The following TNFSF4 variants were observed in gnomAD, a reference collection of about 807,000 sequenced individuals.
The protein encoded by TNFSF4 is TNF superfamily member 4.
A neutral mutation model predicts 7.3 loss-of-function variants in TNFSF4; 4 were observed. That is an observed-to-expected ratio of 0.55 (90% CI 0.27 to 1.25). TNFSF4 has a LOEUF of 1.25. Ranked by LOEUF, TNFSF4 falls within the 50% of genes most tolerant of loss-of-function variation. TNFSF4 has a pLI of 0.12. For missense variants in TNFSF4, 181 were observed against 208.8 expected, an observed-to-expected ratio of 0.87 and a Z score of 0.82; for synonymous variants, 76 against 83.7, an observed-to-expected ratio of 0.91 and a Z score of 0.50.
the TNFSF4 span, among the ~76,000 whole-genome samples, chr1:173,298,363 G>C: frequency 2.9e-4 from 44 of 151,960 alleles, no homozygotes; most frequent in African/African-American, 1.0e-3. Context: ...GATGCATAAT[G>C]GTTTAGTTAA....
At chr1:173,203,071 G>A (rs933680676) in intron 1 of TNFSF4, among the ~76,000 whole-genome samples, 1 of 152,116 alleles carries the variant, frequency 6.6e-6, no homozygotes, top group Non-Finnish European at 1.5e-5. Flanking sequence ...TCCAATGGAT[G>A]TTTATATCGC....
chr1:173,425,713 G>A, the TNFSF4 span, among the ~76,000 whole-genome samples: 4 of 152,170 alleles, frequency 2.6e-5, no homozygotes, highest in Admixed American at 6.5e-5. Flanking sequence ...TAGAGTAAAT[G>A]GTTAATGCAC....
chr1:173,332,524 C>G, the TNFSF4 span, among the ~76,000 whole-genome samples: 1 of 151,680 alleles, frequency 6.6e-6, no homozygotes, highest in African/African-American at 2.4e-5. Flanking sequence ...GAGCAAGACT[C>G]TGTCTCAAAA....
chr1:173,176,720 A>G, the TNFSF4 span, among the ~76,000 whole-genome samples: 3 of 152,344 alleles, frequency 2.0e-5, no homozygotes, highest in African/African-American at 7.2e-5. Context: ...CATGGAATCA[A>G]CCTAAATGCC....
chr1:173,440,628 T>C, the TNFSF4 span: 1 of 152,206 alleles, frequency 6.6e-6, no homozygotes, highest in African/African-American at 2.4e-5. Context: ...TTCTTATTCA[T>C]ATAAGAACCA....
At chr1:173,254,511 T>G in the TNFSF4 span, among the ~76,000 whole-genome samples, 1 of 152,240 alleles carries the variant, frequency 6.6e-6, no homozygotes, top group Non-Finnish European at 1.5e-5. Context: ...GTCTGCTCCC[T>G]TAAAGTTTCA....
chr1:173,181,434 G>C (rs2101975301), downstream of TNFSF4, among the ~76,000 whole-genome samples: 1 of 152,264 alleles, frequency 6.6e-6, no homozygotes, highest in South Asian at 2.1e-4. Context: ...AATGCTAAAA[G>C]TCTGTGTTTC....
At chr1:173,340,297 C>T in the TNFSF4 span, among the ~76,000 whole-genome samples, 1 of 147,302 alleles carries the variant, frequency 6.8e-6, no homozygotes, top group Non-Finnish European at 1.5e-5. Flanking sequence ...ATTGTATGAG[C>T]CAATTCCTTA....
the TNFSF4 span, among the ~76,000 whole-genome samples, chr1:173,215,777 T>A: frequency 2.6e-5 from 4 of 152,196 alleles, no homozygotes; most frequent in African/African-American, 4.8e-5. Flanking sequence ...GCTCTAGTTT[T>A]AAAATTGCCT....
At chr1:173,434,266 T>C in the TNFSF4 span, among the ~76,000 whole-genome samples, 14 of 152,260 alleles carry the variant, frequency 9.2e-5, no homozygotes, top group Non-Finnish European at 2.1e-4. Flanking sequence ...TTGTATCTAA[T>C]TAGGATATTA....
the TNFSF4 span, among the ~76,000 whole-genome samples, chr1:173,291,547 G>C: frequency 1.5e-4 from 23 of 152,196 alleles, no homozygotes; most frequent in African/African-American, 4.6e-4. Flanking sequence ...CAAGAAAGTA[G>C]GAAGATCTCA....
the TNFSF4 span, among the ~76,000 whole-genome samples, chr1:173,378,564 TTC>T: frequency 6.6e-6 from 1 of 152,152 alleles, no homozygotes. Flanking sequence ...GGCCCCAATA[TTC>T]TCTCTCTGAT....
chr1:173,378,534 T>G, the TNFSF4 span, among the ~76,000 whole-genome samples: 1 of 152,158 alleles, frequency 6.6e-6, no homozygotes. Flanking sequence ...GGTGGCTCAT[T>G]TTTTTCTGCA....
the TNFSF4 span, among the ~76,000 whole-genome samples, chr1:173,271,823 G>T: frequency 1.3e-5 from 2 of 152,064 alleles, no homozygotes; most frequent in East Asian, 3.9e-4. Flanking sequence ...AGAAATACCA[G>T]TTGACCCAGC....
At chr1:173,215,708 A>C in the TNFSF4 span, among the ~76,000 whole-genome samples, 1 of 152,216 alleles carries the variant, frequency 6.6e-6, no homozygotes, top group African/African-American at 2.4e-5. Flanking sequence ...CTTCAGGTGC[A>C]ATCAGCAATC....
At chr1:173,271,405 T>C in the TNFSF4 span, among the ~76,000 whole-genome samples, 1 of 152,090 alleles carries the variant, frequency 6.6e-6, no homozygotes, top group Non-Finnish European at 1.5e-5. Context: ...AAATAGGGGA[T>C]CCTTTCCCCA....
chr1:173,369,706 C>T, the TNFSF4 span, among the ~76,000 whole-genome samples: 2 of 152,282 alleles, frequency 1.3e-5, no homozygotes, highest in East Asian at 3.9e-4. Context: ...GCAATACAAC[C>T]TGGCCCCAAT....
the TNFSF4 span, among the ~76,000 whole-genome samples, chr1:173,259,455 G>C: frequency 6.7e-6 from 1 of 150,172 alleles, no homozygotes; most frequent in Non-Finnish European, 1.5e-5. Context: ...TGATCACAAC[G>C]CCTCTCCAGC....
chr1:173,183,690 G>A (rs1006000001), downstream of TNFSF4: 1 of 152,116 alleles, frequency 6.6e-6, no homozygotes, highest in Non-Finnish European at 1.5e-5. Flanking sequence ...TCAGAACATG[G>A]AGAAGACAAG....
Sources: allele counts gnomAD v4.1 joint callset (sites outside exome capture counted in the v4.1 genomes callset), GRCh38; gene constraint gnomAD v4.1.1; transcripts MANE v1.5; gene names NCBI Gene and HGNC (gene_info 2026-07-23, HGNC 2026-07-21).